Variants in RPSA2 observed in about 807,000 individuals in gnomAD.
The protein encoded by RPSA2 is small ribosomal subunit protein uS2B.
the RPSA2 span, among the ~76,000 whole-genome samples, chr19:23,841,726 TACTC>T: frequency 0.058 from 8,809 of 152,228 alleles, 275 homozygotes; most frequent in Non-Finnish European, 0.066. Context: ...GTGAGCAGCT[TACTC>T]TCTCTCCTCC....
At chr19:23,781,780 T>TAA in the RPSA2 span, among the ~76,000 whole-genome samples, 12 of 152,220 alleles carry the variant, frequency 7.9e-5, no homozygotes, top group African/African-American at 2.9e-4. Context: ...GTGTAATTGT[T>TAA]AATGTCATCA....
At chr19:23,824,529 G>A in the RPSA2 span, among the ~76,000 whole-genome samples, 3 of 119,614 alleles carry the variant, frequency 2.5e-5, no homozygotes, top group Non-Finnish European at 5.4e-5. Flanking sequence ...GTTTTATGAT[G>A]GTGTTCATTA....
At chr19:23,868,488 C>T in the RPSA2 span, among the ~76,000 whole-genome samples, 4 of 150,544 alleles carry the variant, frequency 2.7e-5, no homozygotes, top group Admixed American at 2.0e-4. Flanking sequence ...GCACATCAAA[C>T]GTTACAACGC....
chr19:23,842,367 C>T, the RPSA2 span, among the ~76,000 whole-genome samples: 263 of 152,168 alleles, frequency 1.7e-3, no homozygotes, highest in South Asian at 3.9e-3. Flanking sequence ...TTATTTTATC[C>T]TCTTTGTTCA....
At chr19:23,766,256 G>A in the RPSA2 span, among the ~76,000 whole-genome samples, 2 of 142,582 alleles carry the variant, frequency 1.4e-5, no homozygotes, top group African/African-American at 5.2e-5. Flanking sequence ...AGGTTCGAGT[G>A]ATTCTCCCAC....
chr19:23,864,468 C>G, the RPSA2 span, among the ~76,000 whole-genome samples: 1 of 152,108 alleles, frequency 6.6e-6, no homozygotes, highest in Admixed American at 6.5e-5. Flanking sequence ...ATGTAACACA[C>G]AAAGGCCTTG....
the RPSA2 span, among the ~76,000 whole-genome samples, chr19:23,761,438 A>G: frequency 6.6e-6 from 1 of 152,188 alleles, no homozygotes; most frequent in Non-Finnish European, 1.5e-5. Flanking sequence ...GTGCCACTGC[A>G]TTCCAGCCAG....
the RPSA2 span, among the ~76,000 whole-genome samples, chr19:23,826,003 CTT>C: frequency 7.5e-6 from 1 of 134,206 alleles, no homozygotes; most frequent in Non-Finnish European, 1.6e-5. Flanking sequence ...CTCTGTATCT[CTT>C]TTAGTTATTA....
chr19:23,841,327 G>T, the RPSA2 span, among the ~76,000 whole-genome samples: 1 of 151,860 alleles, frequency 6.6e-6, no homozygotes. Flanking sequence ...AGCTGGGCGT[G>T]GTGGTGGGCA....
the RPSA2 span, among the ~76,000 whole-genome samples, chr19:23,802,543 T>C: frequency 6.6e-6 from 1 of 152,230 alleles, no homozygotes; most frequent in Admixed American, 6.5e-5. Context: ...GAGTGGTTAA[T>C]TTTGCTTCTG....
chr19:23,807,396 C>A, the RPSA2 span, among the ~76,000 whole-genome samples: 1 of 152,210 alleles, frequency 6.6e-6, no homozygotes, highest in African/African-American at 2.4e-5. Context: ...TCTGCATTAA[C>A]ATGATGTCCA....
At chr19:23,764,683 T>C in the RPSA2 span, among the ~76,000 whole-genome samples, 1 of 152,022 alleles carries the variant, frequency 6.6e-6, no homozygotes, top group African/African-American at 2.4e-5. Flanking sequence ...TTTTGTCTTG[T>C]TGGCCAGGCT....
At chr19:23,815,895 A>G in the RPSA2 span, among the ~76,000 whole-genome samples, 1 of 151,850 alleles carries the variant, frequency 6.6e-6, no homozygotes, top group Admixed American at 6.6e-5. Context: ...AAATCAACCT[A>G]TTTTATGAGT....
the RPSA2 span, among the ~76,000 whole-genome samples, chr19:23,846,552 C>T: frequency 2.6e-5 from 4 of 152,118 alleles, no homozygotes; most frequent in East Asian, 7.7e-4. Flanking sequence ...TAGGCCCAGT[C>T]TATTGGTAGT....
the RPSA2 span, among the ~76,000 whole-genome samples, chr19:23,851,212 G>A: frequency 4.4e-4 from 3 of 6,808 alleles, no homozygotes; most frequent in South Asian, 0.17. Flanking sequence ...TAAATCTTTA[G>A]GAGTTAGGCC....
At chr19:23,762,569 G>C in the RPSA2 span, among the ~76,000 whole-genome samples, 1 of 151,668 alleles carries the variant, frequency 6.6e-6, no homozygotes, top group South Asian at 2.1e-4. Context: ...CCAGCTACTC[G>C]GGAGGCTGAG....
the RPSA2 span, among the ~76,000 whole-genome samples, chr19:23,858,157 T>C: frequency 6.6e-6 from 1 of 150,726 alleles, no homozygotes; most frequent in Non-Finnish European, 1.5e-5. Flanking sequence ...TGTTTTCTCT[T>C]AGGTTGATTT....
the RPSA2 span, among the ~76,000 whole-genome samples, chr19:23,866,103 C>T: frequency 0.051 from 7,777 of 152,238 alleles, 349 homozygotes; most frequent in South Asian, 0.079. Context: ...AGATCTGGTA[C>T]AACAATTAAC....
the RPSA2 span, among the ~76,000 whole-genome samples, chr19:23,760,821 C>T: frequency 3.3e-5 from 5 of 151,252 alleles, no homozygotes; most frequent in South Asian, 8.4e-4. Flanking sequence ...CGTGCCACCA[C>T]ACTGGGCTAA....
Sources: gnomAD v4.1 joint callset for allele counts (sites outside exome capture counted in the v4.1 genomes callset) on GRCh38, gnomAD v4.1.1 for gene constraint, MANE v1.5 for transcripts, NCBI Gene and HGNC (gene_info 2026-07-23, HGNC 2026-07-21) for gene names.